The following GTF2IRD1 variants were observed in gnomAD, a reference collection of about 807,000 sequenced individuals.
GTF2IRD1 encodes GTF2I repeat domain containing 1.
In GTF2IRD1, 26 loss-of-function variants were observed where a neutral mutation model predicts 113.2. The ratio of observed to expected loss-of-function variants is 0.23; its 90% CI spans 0.17 to 0.32. The LOEUF (loss-of-function observed/expected upper bound fraction) is 0.32, where lower values mean the gene tolerates loss of function less well. Ranked by LOEUF, GTF2IRD1 falls within the 10% of genes least tolerant of loss-of-function variation. GTF2IRD1 has a pLI of 1.00. For synonymous variants in GTF2IRD1, 484 were observed against 529.1 expected, an observed-to-expected ratio of 0.91 and a Z score of 1.17; for missense variants, 864 against 1,280.8, an observed-to-expected ratio of 0.67 and a Z score of 4.97.
intron 7 of GTF2IRD1, among the ~76,000 whole-genome samples, chr7:74,521,763 A>G (rs1399913160): frequency 1.3e-5 from 2 of 152,202 alleles, no homozygotes; most frequent in Non-Finnish European, 2.9e-5. Flanking sequence ...CTATCTCTAA[A>G]AAAAGTTGTA....
chr7:74,507,960 G>C (rs1363406967), intron 1 of GTF2IRD1, 115 bp from the exon 2 acceptor site: 4 of 1,194,410 alleles, frequency 3.3e-6, no homozygotes, highest in Non-Finnish European at 4.6e-6. Context: ...GGTCAGCCCT[G>C]GATACAGAGG....
At chr7:74,471,956 C>G (rs1554332520) in intron 1 of GTF2IRD1, among the ~76,000 whole-genome samples, 1 of 152,152 alleles carries the variant, frequency 6.6e-6, no homozygotes, top group African/African-American at 2.4e-5. Flanking sequence ...GGCGCCACTG[C>G]TCTCCAGCCT....
rs66883639 is a variant in GTF2IRD1 at position 74,490,542 on chromosome 7, A to ACC, written c.-6-17523_-6-17522dup. Reference sequence around the variant, plus strand: ...GCTGAGGCTGCTGGGGAGAAAGGATACCCCCCCCCCCGCCCGCCTTCCAGA... The same window carrying ACC: ...GCTGAGGCTGCTGGGGAGAAAGGATACCCCCCCCCCCCCGCCCGCCTTCCAGA... On this transcript the variant is annotated intron_variant, in intron 1 of 26. Transcript: ENST00000424337. 4.4e-3 allele frequency among the ~76,000 whole-genome samples: 565 copies of ACC among 129,838 alleles called. 4 individuals carry two copies. The highest frequency in any genetic ancestry group is 5.4e-3 in the Admixed American group (69 of 12,718). 85.2% of individuals were successfully genotyped at this position (129,838 alleles called of 152,430 possible).
At chr7:74,563,580 A>G (rs587632992) in intron 22 of GTF2IRD1, among the ~76,000 whole-genome samples, 112 of 144,582 alleles carry the variant, frequency 7.7e-4, no homozygotes, top group African/African-American at 2.8e-3. Flanking sequence ...TCCGTCTCAG[A>G]AAAAAAAAAA....
intron 23 of GTF2IRD1, 91 bp downstream of exon 23, chr7:74,590,019 C>T (rs1251361739): frequency 5.2e-6 from 4 of 774,846 alleles, no homozygotes; most frequent in Non-Finnish European, 8.8e-6. Context: ...CTTTCAGGAG[C>T]CCCCAGCTGG....
intron 22 of GTF2IRD1, among the ~76,000 whole-genome samples, chr7:74,570,524 C>T (rs1800638253): frequency 6.6e-6 from 1 of 151,820 alleles, no homozygotes; most frequent in South Asian, 2.1e-4. Context: ...TGTTGTGGCA[C>T]ACATCTGTAG....
At chr7:74,489,118 G>A (rs1795183665) in intron 1 of GTF2IRD1, among the ~76,000 whole-genome samples, 1 of 151,964 alleles carries the variant, frequency 6.6e-6, no homozygotes, top group South Asian at 2.1e-4. Flanking sequence ...CTCCAGCCTG[G>A]GCAACAGGGT....
At position 74,512,862 on chromosome 7, in the gene GTF2IRD1, G is replaced by A. The variant is rs1796715079; in HGVS notation, c.156G>A (p.Val52=). Residue 52 remains valine (V), a synonymous_variant, in exon 3 of 27, where the codon GTG becomes GTA. Transcript: ENST00000424337. This position sits in a 1 kb window ranked among gnomAD's most constrained non-coding sequence, Gnocchi z 4.4. ...CGCTGTCCAAACTGAACGCCGAGGT[G>A]GCCTGTGTCGCCGTGCACGATGAGA... ...CSALSKLNAE[V]ACVAVHDESA... The A allele has an allele frequency of 6.2e-7, 1 of 1,614,098 alleles. No individual in the cohort carries two copies. The highest frequency in any genetic ancestry group is 8.5e-7 in the Non-Finnish European group (1 of 1,179,980).
intron 22 of GTF2IRD1, among the ~76,000 whole-genome samples, chr7:74,564,375 C>T (rs1554360001): frequency 6.6e-6 from 1 of 152,108 alleles, no homozygotes; most frequent in Non-Finnish European, 1.5e-5. Context: ...TGCAAGAGCC[C>T]CACTGCACCC....
chr7:74,455,046 G>T (rs1204086521), intron 1 of GTF2IRD1, among the ~76,000 whole-genome samples: 1 of 152,144 alleles, frequency 6.6e-6, no homozygotes, highest in Admixed American at 6.5e-5. Flanking sequence ...CTGAGAGTTC[G>T]TTCCACCCTC....
chr7:74,579,302 A>G (rs1801269867), intron 22 of GTF2IRD1, among the ~76,000 whole-genome samples: 1 of 152,018 alleles, frequency 6.6e-6, no homozygotes, highest in African/African-American at 2.4e-5. Context: ...TACATCTCTA[A>G]AAAAAAATTT....
chr7:74,485,032 A>G lies in GTF2IRD1; in HGVS notation c.-6-23043A>G, dbSNP rs533805216. On this transcript the variant is annotated intron_variant, in intron 1 of 26. Transcript: ENST00000424337. Reference sequence around the variant, plus strand: ...AGTCCTTCCTTCCAGAATCCCACTGAGACTTCTTCTGGCCTCAGATGCGTG... The same window carrying G: ...AGTCCTTCCTTCCAGAATCCCACTGGGACTTCTTCTGGCCTCAGATGCGTG... Among the ~76,000 whole-genome samples the G allele has an allele frequency of 3.3e-5, 5 of 152,228 alleles. No homozygotes were observed. The East Asian group carries it at 9.6e-4, about 29-fold the overall frequency.
intron 9 of GTF2IRD1, among the ~76,000 whole-genome samples, chr7:74,532,476 C>T (rs986175600): frequency 2.6e-5 from 4 of 152,104 alleles, no homozygotes; most frequent in Non-Finnish European, 5.9e-5. Context: ...ATCACTTGAG[C>T]CCAGGAATTG....
At chr7:74,506,858 G>T in intron 1 of GTF2IRD1, 1 of 152,996 alleles carries the variant, frequency 6.5e-6, no homozygotes, top group Non-Finnish European at 1.5e-5. Flanking sequence ...ACTTGAGGGG[G>T]AGGATGCAGC....
At chr7:74,594,875 C>G (rs1467072613) in intron 24 of GTF2IRD1, 139 bp from the exon 25 acceptor site, 1 of 506,558 alleles carries the variant, frequency 2.0e-6, no homozygotes, top group African/African-American at 2.0e-5. Flanking sequence ...TGGCGTGAAC[C>G]CAGGAGGTGG....
chr7:74,548,363 A>T (rs1391787326), intron 17 of GTF2IRD1, among the ~76,000 whole-genome samples: 13 of 151,654 alleles, frequency 8.6e-5, no homozygotes, highest in Non-Finnish European at 1.9e-4. Flanking sequence ...TGGAGCTTGC[A>T]GTGAGCGGAG....
intron 7 of GTF2IRD1, 49 bp downstream of exon 7, chr7:74,521,346 T>C (rs1554345955): frequency 8.3e-6 from 9 of 1,081,442 alleles, no homozygotes; most frequent in Non-Finnish European, 1.3e-5. Context: ...AATCTGAGGT[T>C]GGAGGTGGTG....
chr7:74,564,843 A>C (rs587607461), intron 22 of GTF2IRD1, among the ~76,000 whole-genome samples: 1 of 151,510 alleles, frequency 6.6e-6, no homozygotes, highest in African/African-American at 2.4e-5. Flanking sequence ...CCCCACTAAA[A>C]TCTAGAGGCC....
At chr7:74,576,133 G>A (rs74435898) in intron 22 of GTF2IRD1, among the ~76,000 whole-genome samples, 11,763 of 151,982 alleles carry the variant, frequency 0.077, 482 homozygotes, top group African/African-American at 0.1. Context: ...GAACTCCAGC[G>A]TGGGAAACAG....
Sources: gnomAD v4.1 joint callset for allele counts (sites outside exome capture counted in the v4.1 genomes callset) on GRCh38, gnomAD v4.1.1 for gene constraint, Gnocchi (gnomAD v3.1) non-coding constraint, MANE v1.5 for transcripts, NCBI Gene and HGNC (gene_info 2026-07-23, HGNC 2026-07-21) for gene names.